CACNA1C: variants seen among roughly 807,000 people sequenced by gnomAD.
CACNA1C encodes voltage-dependent L-type calcium channel subunit alpha-1C.
In CACNA1C, 30 loss-of-function variants were observed where a neutral mutation model predicts 229.0. The ratio of observed to expected loss-of-function variants is 0.13; its 90% CI spans 0.10 to 0.18. CACNA1C has a LOEUF of 0.18. Among genes scored for constraint, CACNA1C ranks in the 10% least tolerant of loss-of-function variants. The pLI, the probability that CACNA1C is intolerant of heterozygous loss-of-function variation, is 1.00. For missense variants in CACNA1C, 1,658 were observed against 2,845.0 expected, an observed-to-expected ratio of 0.58 and a Z score of 9.49; for synonymous variants, 1,114 against 1,132.5, an observed-to-expected ratio of 0.98 and a Z score of 0.33.
rs1197739086 is a variant in CACNA1C at position 2,602,629 on chromosome 12, CTTGTGTGTG to C, written c.2960+671_2960+679del. ...TGTGTGTGACTGTGTATATTTGTGT[CTTGTGTGTG>C]TGTGTGTGTGTGTGTGTGTGTGTGT... is the stretch of plus-strand genomic sequence containing the variant. On this transcript the variant is annotated intron_variant, in intron 22 of 46. Transcript: ENST00000399655. The surrounding 1 kb of genome is among the most constrained non-coding windows in gnomAD (Gnocchi z 4.4). 4.6e-5 allele frequency among the ~76,000 whole-genome samples: 4 copies of C among 87,744 alleles called. No individual in the cohort carries two copies. The highest frequency in any genetic ancestry group is 1.6e-4 in the African/African-American group (4 of 24,358). The allele number at this position is 87,744 out of a possible 152,430, so 57.6% of individuals were successfully genotyped here.
At position 1,971,108 on chromosome 12, in the gene CACNA1C, C is replaced by A. The variant is rs751771077; in HGVS notation, c.46C>A (p.Leu16Ile). 554 of 1,289,488 alleles carry A rather than the reference C, an allele frequency of 4.3e-4. No homozygotes were observed. Among genetic ancestry groups the A allele is most frequent in the Non-Finnish European group, 5.1e-4 (503 of 988,562 alleles). The allele number at this position is 1,289,488 out of a possible 1,614,324, so 79.9% of individuals were successfully genotyped here. ...GCCTGGTACGCCTGCATACCAGCCG[C>A]TTCCCAGCCACCTGTCTGCCAACAC... Residue 16 changes from leucine to isoleucine, a missense_variant, in exon 1 of 47, where the codon CTT becomes ATT. Physicochemically the swap from Leu to Ile is conservative, Grantham distance 5. Transcript: ENST00000682462. This position sits in a 1 kb window ranked among gnomAD's most constrained non-coding sequence, Gnocchi z 4.2.
At chr12:2,372,571 T>C (rs898993823) in intron 3 of CACNA1C, among the ~76,000 whole-genome samples, 1 of 152,100 alleles carries the variant, frequency 6.6e-6, no homozygotes, top group Non-Finnish European at 1.5e-5. Context: ...CCTGCCTGCC[T>C]GCCTTTCATC....
At chr12:2,614,343 A>G (rs1036246873) in intron 29 of CACNA1C, 3 of 152,242 alleles carry the variant, frequency 2.0e-5, no homozygotes, top group Non-Finnish European at 4.4e-5. Flanking sequence ...AGGAAAATGG[A>G]TCTTTCCCTG....
Position 2,665,457 on chromosome 12 carries a change from A to G in CACNA1C, c.4399-124A>G, listed in dbSNP as rs2096036725. On this transcript the variant is annotated intron_variant, in intron 35 of 46. Coordinates refer to ENST00000399655, the MANE Select transcript of CACNA1C (RefSeq NM_000719.7). This position sits in a 1 kb window ranked among gnomAD's most constrained non-coding sequence, Gnocchi z 5.9. ...AGACCCAGGTTCTCAGGCTGGTAGG[A>G]TGGATGACTGGTCTTTAGAAATGTT... The G allele has an allele frequency of 9.8e-7, 1 of 1,019,668 alleles. No individual in the cohort carries two copies. The highest frequency in any genetic ancestry group is 1.6e-5 in the African/African-American group (1 of 61,926). 63.2% of individuals were successfully genotyped at this position (1,019,668 alleles called of 1,614,324 possible). A position where few individuals can be genotyped will look rare whatever the true frequency, so the allele number is the denominator to read the frequency against.
chr12:2,237,093 G>C (rs541770481), intron 3 of CACNA1C, among the ~76,000 whole-genome samples: 1 of 152,206 alleles, frequency 6.6e-6, no homozygotes, highest in Non-Finnish European at 1.5e-5. Context: ...GTCGTGTGGG[G>C]CATATGCCAA....
intron 3 of CACNA1C, among the ~76,000 whole-genome samples, chr12:2,363,439 C>G (rs2097624827): frequency 6.6e-6 from 1 of 152,252 alleles, no homozygotes; most frequent in South Asian, 2.1e-4. Context: ...AAGTTACCAA[C>G]CCGTACTCAC....
In CACNA1C at chr12:2,029,273, T is replaced by G. The variant is rs552200268; in HGVS notation, c.139+58072T>G. 3.3e-4 allele frequency among the ~76,000 whole-genome samples: 51 copies of G among 152,322 alleles called. No homozygotes were observed. Among genetic ancestry groups the G allele is most frequent in the African/African-American group, 1.2e-3 (48 of 41,566 alleles). ...ATGTTGATGCTGCATTTATAAATTT[T>G]TAAAAATTGAGGTGTGATTCATTTC... On this transcript the variant is annotated intron_variant, in intron 1 of 46. Coordinates refer to the CACNA1C transcript ENST00000682462. The surrounding 1 kb of genome is among the most constrained non-coding windows in gnomAD (Gnocchi z 4.9).
At chr12:2,380,913 C>T (rs1176251698) in intron 3 of CACNA1C, among the ~76,000 whole-genome samples, 1 of 152,158 alleles carries the variant, frequency 6.6e-6, no homozygotes, top group African/African-American at 2.4e-5. Context: ...GGATCACCTA[C>T]GGAAGGTGCA....
intron 29 of CACNA1C, among the ~76,000 whole-genome samples, chr12:2,616,185 GC>G (rs984912079): frequency 2.6e-5 from 4 of 152,150 alleles, no homozygotes; most frequent in Admixed American, 2.6e-4. Flanking sequence ...GCACTCATTG[GC>G]CCCTCTGACC....
chr12:2,033,532 T>C (rs975300316), intron 1 of CACNA1C, among the ~76,000 whole-genome samples: 1 of 152,062 alleles, frequency 6.6e-6, no homozygotes, highest in Non-Finnish European at 1.5e-5. Context: ...AGTCTCAGAG[T>C]CCTTGGGGCT....
intron 3 of CACNA1C, among the ~76,000 whole-genome samples, chr12:2,172,632 CT>C (rs1188039229): frequency 7.2e-5 from 11 of 152,232 alleles, no homozygotes; most frequent in African/African-American, 2.4e-4. Flanking sequence ...AGGCTCCCGT[CT>C]TTCTCTTGTC....
At chr12:2,013,193 A>G (rs1476240295) in intron 1 of CACNA1C, among the ~76,000 whole-genome samples, 1 of 152,150 alleles carries the variant, frequency 6.6e-6, no homozygotes. Context: ...TTCTTCATCT[A>G]TAAAATAGAG....
At chr12:2,423,049 C>T (rs368490425) in intron 3 of CACNA1C, among the ~76,000 whole-genome samples, 13 of 152,082 alleles carry the variant, frequency 8.5e-5, no homozygotes, top group African/African-American at 2.4e-4. Flanking sequence ...AAGGGAGCTC[C>T]GATGTCATCT....
rs577948779 is a variant in CACNA1C at position 1,990,434 on chromosome 12, G to C, written c.139+19233G>C. On this transcript the variant is annotated intron_variant, in intron 1 of 46. Coordinates refer to the CACNA1C transcript ENST00000682462. Reference sequence around the variant, plus strand: ...GTAATCTATTTTGTGTTTGAATGAAGTTACTCTATTTATCAAGCATCTTTT... The same window carrying C: ...GTAATCTATTTTGTGTTTGAATGAACTTACTCTATTTATCAAGCATCTTTT... Among the ~76,000 whole-genome samples the C allele has an allele frequency of 3.2e-4, 48 of 152,198 alleles. No individual in the cohort carries two copies. The South Asian group carries it at 9.5e-3, about 30-fold the overall frequency.
At chr12:2,459,085 C>T (rs1355392378) in intron 5 of CACNA1C, among the ~76,000 whole-genome samples, 3 of 148,634 alleles carry the variant, frequency 2.0e-5, no homozygotes, top group Non-Finnish European at 4.4e-5. Flanking sequence ...CAGGTTCAAG[C>T]GATTCTCCTG....
At chr12:2,588,521 GAGCTGGACTCC>G (rs1221666189) in intron 18 of CACNA1C, among the ~76,000 whole-genome samples, 1 of 152,214 alleles carries the variant, frequency 6.6e-6, no homozygotes, top group Non-Finnish European at 1.5e-5. Flanking sequence ...GGCCAAGTGG[GAGCTGGACTCC>G]AGAGTGCACT....
intron 3 of CACNA1C, among the ~76,000 whole-genome samples, chr12:2,351,991 C>T (rs1222563280): frequency 6.6e-6 from 1 of 152,214 alleles, no homozygotes; most frequent in African/African-American, 2.4e-5. Flanking sequence ...TAGTAACCTG[C>T]CCTGTTATCT....
intron 43 of CACNA1C, 120 bp from the exon 44 acceptor site, chr12:2,685,616 C>T (rs1021939806): frequency 4.1e-6 from 3 of 728,414 alleles, no homozygotes; most frequent in Non-Finnish European, 7.4e-6. Context: ...TGCATGTAAG[C>T]ACAAAGTGTG....
intron 3 of CACNA1C, among the ~76,000 whole-genome samples, chr12:2,374,517 C>A (rs1027030186): frequency 1.3e-5 from 2 of 152,204 alleles, no homozygotes; most frequent in African/African-American, 4.8e-5. Context: ...GCCACATTGG[C>A]CTTCCGTGGG....
Sources: gnomAD v4.1 joint callset for allele counts (sites outside exome capture counted in the v4.1 genomes callset) on GRCh38, gnomAD v4.1.1 for gene constraint, Gnocchi (gnomAD v3.1) non-coding constraint, MANE v1.5 for transcripts, NCBI Gene and HGNC (gene_info 2026-07-23, HGNC 2026-07-21) for gene names.